Variants in REEP6 observed in about 807,000 individuals in gnomAD.
The protein encoded by REEP6 is receptor accessory protein 6, also known as receptor expression-enhancing protein 6.
In REEP6, 19 loss-of-function variants were observed where a neutral mutation model predicts 22.4. That is an observed-to-expected ratio of 0.85 (90% CI 0.59 to 1.25). REEP6 has a LOEUF of 1.25. Among genes scored for constraint, REEP6 ranks in the 50% most tolerant of loss-of-function variants. The pLI, the probability that REEP6 is intolerant of heterozygous loss-of-function variation, is 0.00. For synonymous variants in REEP6, 121 were observed against 113.6 expected, an observed-to-expected ratio of 1.06 and a Z score of -0.41; for missense variants, 273 against 251.9, an observed-to-expected ratio of 1.08 and a Z score of -0.57.
Position 1,496,472 on chromosome 19 carries a change from C to A in REEP6, c.517+19C>A. 1 of 1,606,210 alleles carries A rather than the reference C, an allele frequency of 6.2e-7. No individual in the cohort carries two copies. The highest frequency in any genetic ancestry group is 1.3e-5 in the African/African-American group (1 of 74,956). On this transcript the variant is annotated intron_variant, in intron 4 of 4. Transcript: ENST00000233596. Reference sequence around the variant, plus strand: ...AGGAACGGTGGGTGCTCGCAGGCGCCTGGCTGCCTCAGGCCATCTCCCGGG... The same window carrying A: ...AGGAACGGTGGGTGCTCGCAGGCGCATGGCTGCCTCAGGCCATCTCCCGGG...
chr19:1,491,261 G>C lies in REEP6; in HGVS notation c.-9G>C. 1 of 1,462,682 alleles carries C rather than the reference G, an allele frequency of 6.8e-7. No homozygotes were observed. The allele number at this position is 1,462,682 out of a possible 1,614,324, so 90.6% of individuals were successfully genotyped here. A position where few individuals can be genotyped will look rare whatever the true frequency, so the allele number is the denominator to read the frequency against. Reference sequence around the variant, plus strand: ...AGCTCGAGCAGCCAACCCCGGGCGCGTCGGGGCCATGGACGGCCTGAGGCA... The same window carrying C: ...AGCTCGAGCAGCCAACCCCGGGCGCCTCGGGGCCATGGACGGCCTGAGGCA... On this transcript the variant is annotated 5_prime_UTR_variant, in exon 1 of 5. Coordinates refer to ENST00000233596, the MANE Select transcript of REEP6 (RefSeq NM_138393.4). The surrounding 1 kb of genome is among the most constrained non-coding windows in gnomAD (Gnocchi z 5.4).
chr19:1,494,684 C>T (rs2084991066), intron 1 of REEP6, among the ~76,000 whole-genome samples: 2 of 152,040 alleles, frequency 1.3e-5, no homozygotes, highest in East Asian at 1.9e-4. Flanking sequence ...AGATGGCTAT[C>T]GTTGCAGATT....
rs750047280 is a variant in REEP6, at chr19:1,496,413, C to T, written c.477C>T (p.Ser159=). The change falls in exon 4 of 5, where the codon AGC becomes AGT. Residue 159 remains serine (S), a synonymous_variant. Transcript: ENST00000233596. The stretch of plus-strand genomic sequence containing the variant: ...TAGACAGAATCATGAACGACCTCAG[C>T]GGGCGAGCCCTGGACGCGGCGGCCG... ...GAVDRIMNDL[S]GRALDAAAGI... is the part of the protein sequence containing the mutation. 13 of 1,612,920 alleles carry T rather than the reference C, an allele frequency of 8.1e-6. No homozygotes were observed. Among genetic ancestry groups the T allele is most frequent in the East Asian group, 4.5e-5 (2 of 44,886 alleles).
Position 1,497,139 on chromosome 19 carries a change from T to G in REEP6, c.518-35T>G. On this transcript the variant is annotated intron_variant, in intron 4 of 4. Coordinates refer to ENST00000233596, the MANE Select transcript of REEP6 (RefSeq NM_138393.4). This position sits in a 1 kb window ranked among gnomAD's most constrained non-coding sequence, Gnocchi z 6.5. The stretch of plus-strand genomic sequence containing the variant: ...CAGCTCCGGGGAGCCCAGGCCTGCC[T>G]CACGGCCCTCCCCCACCCGCCCCTC... The G allele has an allele frequency of 6.8e-6, 9 of 1,324,906 alleles. No individual in the cohort carries two copies. The highest frequency in any genetic ancestry group is 9.2e-6 in the Non-Finnish European group (9 of 982,978). The allele number at this position is 1,324,906 out of a possible 1,614,324, so 82.1% of individuals were successfully genotyped here.
At position 1,496,385 on chromosome 19, in the gene REEP6, C is replaced by A. The variant is rs2271412; in HGVS notation, c.449C>A (p.Ala150Asp). 3.8e-3 allele frequency: 6,084 copies of A among 1,613,194 alleles called. 308 individuals are homozygous for A. The East Asian group carries it at 0.11, about 30-fold the overall frequency. The change falls in exon 4 of 5, where the codon GCC becomes GAC. Residue 150 changes from alanine (A) to aspartate (D), a missense_variant. Physicochemically the swap from Ala to Asp is moderately radical, Grantham distance 126. Coordinates refer to ENST00000233596, the MANE Select transcript of REEP6 (RefSeq NM_138393.4). ...CCGCTGTTCCTAAGGCACCACGGGG[C>A]CGTAGACAGAATCATGAACGACCTC... ...VRPLFLRHHG[A>D]VDRIMNDLSG...
Position 1,494,409 on chromosome 19 carries a change from G to A in REEP6, c.116-885G>A, listed in dbSNP as rs73920956. On this transcript the variant is annotated intron_variant, in intron 1 of 4. Transcript: ENST00000233596. ...GGGCTGATGGCATGGAGTGGGCAGAGGCCAGGGACACTGCTCAGCACCCTG... is the reference window on the plus strand; with the variant it reads ...GGGCTGATGGCATGGAGTGGGCAGAAGCCAGGGACACTGCTCAGCACCCTG... Among the ~76,000 whole-genome samples, 952 of 152,298 alleles carry A rather than the reference G, an allele frequency of 6.3e-3. 16 individuals carry two copies. The highest frequency in any genetic ancestry group is 0.021 in the African/African-American group (888 of 41,558).
chr19:1,496,088 A>G, intron 3 of REEP6, 197 bp from the exon 4 acceptor site: 1 of 630,510 alleles, frequency 1.6e-6, no homozygotes, highest in Non-Finnish European at 2.7e-6. Flanking sequence ...GGCTCACTCT[A>G]GAGGGTATCT....
chr19:1,496,194 G>T, intron 3 of REEP6, 91 bp from the exon 4 acceptor site: 1 of 1,453,512 alleles, frequency 6.9e-7, no homozygotes, highest in Admixed American at 2.0e-5. Context: ...GCCTGTCCAG[G>T]ATGGGCATCT....
chr19:1,491,474 G>T lies in REEP6; in HGVS notation c.115+90G>T. The T allele has an allele frequency of 1.0e-6, 1 of 955,558 alleles. No individual in the cohort carries two copies. The highest frequency in any genetic ancestry group is 1.4e-6 in the Non-Finnish European group (1 of 700,674). 59.2% of individuals were successfully genotyped at this position (955,558 alleles called of 1,614,324 possible). A position where few individuals can be genotyped will look rare whatever the true frequency, so the allele number is the denominator to read the frequency against. The stretch of plus-strand genomic sequence containing the variant: ...AGACCGGACTCCTTCCCCGGCTACG[G>T]GGTCCGGTCCGGCCGGTGGAGCGCG... On this transcript the variant is annotated intron_variant, in intron 1 of 4. Transcript: ENST00000233596. The surrounding 1 kb of genome is among the most constrained non-coding windows in gnomAD (Gnocchi z 5.4).
At chr19:1,493,263 C>T (rs116290975) in intron 1 of REEP6, among the ~76,000 whole-genome samples, 349 of 152,266 alleles carry the variant, frequency 2.3e-3, no homozygotes, top group African/African-American at 8.2e-3. Context: ...GATGGCAGTC[C>T]CTCATCCCCA....
intron 4 of REEP6, chr19:1,496,688 G>A (rs2085010434): frequency 1.4e-6 from 1 of 707,630 alleles, no homozygotes; most frequent in East Asian, 2.7e-5. Flanking sequence ...AACCGCTGTG[G>A]GGAGATAGGA....
At position 1,491,564 on chromosome 19, in the gene REEP6, TCCCGGGCCACCCCTCTCTAGCTTCCGC is replaced by T. The variant is rs2084941466; in HGVS notation, c.115+184_115+210del. On this transcript the variant is annotated intron_variant, in intron 1 of 4. Transcript: ENST00000233596. This position sits in a 1 kb window ranked among gnomAD's most constrained non-coding sequence, Gnocchi z 5.4. The stretch of plus-strand genomic sequence containing the variant: ...CCTTGCCCGCGCCCTGCGACCCTGC[TCCCGGGCCACCCCTCTCTAGCTTCCGC>T]CCCTGGCCGCCCCCCGACGCCTCCT... Among the ~76,000 whole-genome samples the T allele has an allele frequency of 3.3e-5, 5 of 152,138 alleles. No homozygotes were observed. The highest frequency in any genetic ancestry group is 7.2e-5 in the African/African-American group (3 of 41,530).
In REEP6 at chr19:1,491,372, T is replaced by C. The variant is rs1274829830; in HGVS notation, c.103T>C (p.Tyr35His). The part of the protein sequence containing the change: ...LEAKTGVEKR[Y>H]LAAGAVTLLS... The stretch of plus-strand genomic sequence containing the variant: ...GGCCAAGACCGGGGTGGAGAAGCGG[T>C]ATCTGGCTGCAGGTGAGCCGTCGGC... Residue 35 changes from tyrosine to histidine, a missense_variant, in exon 1 of 5, where the codon TAT becomes CAT. Transcript: ENST00000233596. This position sits in a 1 kb window ranked among gnomAD's most constrained non-coding sequence, Gnocchi z 5.4. 6.8e-7 allele frequency: 1 copy of C among 1,463,518 alleles called. No individual in the cohort carries two copies. Among genetic ancestry groups the C allele is most frequent in the East Asian group, 3.0e-5 (1 of 33,264 alleles). 90.7% of individuals were successfully genotyped at this position (1,463,518 alleles called of 1,614,324 possible).
rs1174570742 is a variant in REEP6 at position 1,497,814 on chromosome 19, A to G, written c.*603A>G. The G allele has an allele frequency of 4.3e-6, 2 of 470,436 alleles. No homozygotes were observed. The highest frequency in any genetic ancestry group is 4.0e-5 in the African/African-American group (2 of 50,026). 29.1% of individuals were successfully genotyped at this position (470,436 alleles called of 1,614,324 possible). A position where few individuals can be genotyped will look rare whatever the true frequency, so the allele number is the denominator to read the frequency against. ...CTCTCTGGAGTACACTTCGGAGTCCACCACCGAGATCACCTGCAGCTGGCC... is the reference window on the plus strand; with the variant it reads ...CTCTCTGGAGTACACTTCGGAGTCCGCCACCGAGATCACCTGCAGCTGGCC... On this transcript the variant is annotated 3_prime_UTR_variant, in exon 5 of 5. Transcript: ENST00000233596. The surrounding 1 kb of genome is among the most constrained non-coding windows in gnomAD (Gnocchi z 6.5).
At position 1,496,736 on chromosome 19, in the gene REEP6, G is replaced by GT. The variant is rs908279550; in HGVS notation, c.517+286dup. 3 of 643,096 alleles carry GT rather than the reference G, an allele frequency of 4.7e-6. No individual in the cohort carries two copies. In the African/African-American group the frequency reaches 5.4e-5, roughly 12 times the overall value. The allele number at this position is 643,096 out of a possible 1,614,324, so 39.8% of individuals were successfully genotyped here. On this transcript the variant is annotated intron_variant, in intron 4 of 4. Transcript: ENST00000233596. Reference sequence around the variant, plus strand: ...TGTGTGTGCGCGCGCGCGCGCGTGTGTTTGAGCGTATGTTTGCTGTGTGCA... The same window carrying GT: ...TGTGTGTGCGCGCGCGCGCGCGTGTGTTTTGAGCGTATGTTTGCTGTGTGCA...
At position 1,497,221 on chromosome 19, in the gene REEP6, CT is replaced by C. The variant is rs750246145; in HGVS notation, c.*11del. 6.5e-7 allele frequency: 1 copy of C among 1,543,518 alleles called. No individual in the cohort carries two copies. Among genetic ancestry groups the C allele is most frequent in the East Asian group, 2.3e-5 (1 of 43,258 alleles). On this transcript the variant is annotated 3_prime_UTR_variant, in exon 5 of 5. Transcript: ENST00000233596. This position sits in a 1 kb window ranked among gnomAD's most constrained non-coding sequence, Gnocchi z 6.5. ...GCCGAAGGACAAGTGAAGCAGCCCC[CT>C]GAGCCTCACAAGGACCTCCTGGCTG...
At position 1,496,713 on chromosome 19, in the gene REEP6, T is replaced by C. The variant is rs1227469466; in HGVS notation, c.517+260T>C. ...GGGAGATAGGAGCTGTGTGTGTGTG[T>C]GTGTGCGCGCGCGCGCGCGTGTGTT... On this transcript the variant is annotated intron_variant, in intron 4 of 4. Transcript: ENST00000233596. 4.5e-6 allele frequency: 3 copies of C among 672,066 alleles called. No individual in the cohort carries two copies. In the East Asian group the frequency reaches 8.6e-5, roughly 19 times the overall value. The allele number at this position is 672,066 out of a possible 1,614,324, so 41.6% of individuals were successfully genotyped here.
intron 3 of REEP6, 133 bp from the exon 4 acceptor site, chr19:1,496,152 C>T: frequency 8.7e-7 from 1 of 1,143,240 alleles, no homozygotes; most frequent in Non-Finnish European, 1.2e-6. Flanking sequence ...GGCGGGCCCA[C>T]CCTAAAGGGT....
rs565192872 is a variant in REEP6 at position 1,495,212 on chromosome 19, G to C, written c.116-82G>C. On this transcript the variant is annotated intron_variant, in intron 1 of 4. Transcript: ENST00000233596. ...GGAGGAGGTGACGGTTGCAGTCTTC[G>C]TCGACTGAAAGGCGGCCTGGGTACC... is the stretch of plus-strand genomic sequence containing the variant. The C allele has an allele frequency of 2.2e-6, 3 of 1,375,088 alleles. No individual in the cohort carries two copies. In the Admixed American group the frequency reaches 5.1e-5, roughly 23 times the overall value. 85.2% of individuals were successfully genotyped at this position (1,375,088 alleles called of 1,614,324 possible).
Sources: gnomAD v4.1 joint callset for allele counts (sites outside exome capture counted in the v4.1 genomes callset) on GRCh38, gnomAD v4.1.1 for gene constraint, Gnocchi (gnomAD v3.1) non-coding constraint, MANE v1.5 for transcripts, NCBI Gene and HGNC (gene_info 2026-07-23, HGNC 2026-07-21) for gene names.